PRKAR1B: variants seen among roughly 807,000 people sequenced by gnomAD.
PRKAR1B encodes the protein cAMP-dependent protein kinase type I-beta regulatory subunit.
A neutral mutation model predicts 46.5 loss-of-function variants in PRKAR1B; 22 were observed. The ratio of observed to expected loss-of-function variants is 0.47; its 90% confidence interval spans 0.34 to 0.68. PRKAR1B has a LOEUF of 0.68. Among genes scored for constraint, PRKAR1B ranks in the 30% least tolerant of loss-of-function variants. PRKAR1B has a pLI of 0.01. For missense variants in PRKAR1B, 445 were observed against 535.6 expected (o/e 0.83, Z 1.67); for synonymous variants, 259 against 217.7 (o/e 1.19, Z -1.67).
intron 8 of PRKAR1B, among the ~76,000 whole-genome samples, chr7:580,670 G>C (rs1251487347): frequency 7.1e-6 from 1 of 140,184 alleles, no homozygotes; most frequent in Non-Finnish European, 1.5e-5. Context: ...CTAACCCTTG[G>C]AAGGAAAAAA....
At chr7:637,868 T>C (rs1784204560) in intron 4 of PRKAR1B, among the ~76,000 whole-genome samples, 2 of 152,058 alleles carry the variant, frequency 1.3e-5, no homozygotes, top group Non-Finnish European at 2.9e-5. Flanking sequence ...ACAGGGAAGA[T>C]GGGGGCTAAA....
At chr7:619,811 TCTTTC>T (rs1191178558) in intron 4 of PRKAR1B, among the ~76,000 whole-genome samples, 1 of 152,150 alleles carries the variant, frequency 6.6e-6, no homozygotes, top group Non-Finnish European at 1.5e-5. Flanking sequence ...AAATTTTTAT[TCTTTC>T]CTTTCCTTTT....
intron 2 of PRKAR1B, among the ~76,000 whole-genome samples, chr7:688,207 C>G (rs1389664752): frequency 6.6e-6 from 1 of 151,710 alleles, no homozygotes; most frequent in African/African-American, 2.4e-5. Flanking sequence ...TCGAGACCAA[C>G]CTGGTTAACA....
intron 4 of PRKAR1B, among the ~76,000 whole-genome samples, chr7:631,530 A>G (rs945027628): frequency 6.6e-6 from 1 of 152,142 alleles, no homozygotes; most frequent in South Asian, 2.1e-4. Flanking sequence ...CCCAGCACAC[A>G]CAGCCCGAGG....
At chr7:641,372 G>A (rs968577875) in intron 4 of PRKAR1B, among the ~76,000 whole-genome samples, 3 of 152,172 alleles carry the variant, frequency 2.0e-5, no homozygotes, top group Admixed American at 2.0e-4. Context: ...ACGCCGTATT[G>A]TTCATAATAG....
chr7:561,139 A>ACACACACACACCTGTG lies in PRKAR1B; in HGVS notation c.892-9685_892-9670dup, dbSNP rs1425277105. ...CCCACACACAGGCACACAAACACAC[A>ACACACACACACCTGTG]CACACACACACCTGTGCACACACAC... On this transcript the variant is annotated intron_variant, in intron 9 of 10. Transcript: ENST00000537384. 2.7e-5 allele frequency among the ~76,000 whole-genome samples: 4 copies of ACACACACACACCTGTG among 146,914 alleles called. No homozygotes were observed. In the East Asian group the frequency reaches 7.9e-4, roughly 29 times the overall value.
chr7:644,558 G>C lies in PRKAR1B; in HGVS notation c.440+32671C>G, dbSNP rs1784537153. On this transcript the variant is annotated intron_variant, in intron 4 of 10. Coordinates refer to ENST00000537384, the MANE Select transcript of PRKAR1B (RefSeq NM_001164760.2). This position sits in a 1 kb window ranked among gnomAD's most constrained non-coding sequence, Gnocchi z 4.9. ...TCCCCGCTGCCAGGGAGCCCTCCCAGCACTGAGGGGGCACCAGTCTGGCCA... is the reference window on the plus strand; with the variant it reads ...TCCCCGCTGCCAGGGAGCCCTCCCACCACTGAGGGGGCACCAGTCTGGCCA... 2.0e-5 allele frequency among the ~76,000 whole-genome samples: 3 copies of C among 152,168 alleles called. No homozygotes were observed. Among genetic ancestry groups the C allele is most frequent in the Admixed American group, 2.0e-4 (3 of 15,274 alleles).
chr7:643,872 G>A (rs1431446270), intron 4 of PRKAR1B, among the ~76,000 whole-genome samples: 2 of 152,158 alleles, frequency 1.3e-5, no homozygotes. Flanking sequence ...AGGGTGCCCA[G>A]TGGCACCTCC....
intron 1 of PRKAR1B, among the ~76,000 whole-genome samples, chr7:723,370 G>A (rs912839386): frequency 6.6e-6 from 1 of 152,174 alleles, no homozygotes; most frequent in African/African-American, 2.4e-5. Context: ...CCTGTTGGCT[G>A]TTCTGGGCCA....
intron 9 of PRKAR1B, among the ~76,000 whole-genome samples, chr7:576,253 T>C (rs1779826994): frequency 1.3e-5 from 2 of 152,148 alleles, no homozygotes; most frequent in African/African-American, 4.8e-5. Context: ...GTGTGCACGC[T>C]GGAATCACGG....
chr7:710,863 C>T (rs1010188870), intron 2 of PRKAR1B, among the ~76,000 whole-genome samples: 2 of 152,050 alleles, frequency 1.3e-5, no homozygotes, highest in Admixed American at 6.6e-5. Flanking sequence ...AGGCTGGTCT[C>T]GAACTCCTGA....
At chr7:579,899 C>T (rs568003270) in intron 8 of PRKAR1B, among the ~76,000 whole-genome samples, 157 of 152,170 alleles carry the variant, frequency 1.0e-3, no homozygotes, top group African/African-American at 3.6e-3. Context: ...GAGTTCAAGA[C>T]CAGCCAGGCC....
intron 2 of PRKAR1B, among the ~76,000 whole-genome samples, chr7:704,664 G>A (rs1031229438): frequency 6.6e-6 from 1 of 152,176 alleles, no homozygotes; most frequent in African/African-American, 2.4e-5. Flanking sequence ...AGCTACTCGG[G>A]AGGCTGAGGC....
chr7:683,156 G>A (rs1778794353), intron 2 of PRKAR1B, among the ~76,000 whole-genome samples: 1 of 152,184 alleles, frequency 6.6e-6, no homozygotes, highest in Non-Finnish European at 1.5e-5. Context: ...GCCCACCTGT[G>A]ACAAGGCTGA....
In PRKAR1B at chr7:666,449, AG is replaced by A. The variant is rs561047481; in HGVS notation, c.440+10779del. 3.0e-3 allele frequency among the ~76,000 whole-genome samples: 460 copies of A among 152,230 alleles called. 4 individuals carry two copies. The highest frequency in any genetic ancestry group is 0.011 in the African/African-American group (447 of 41,558). ...GATGCGGAATCTGCTTCGCTCCAAT[AG>A]CTGACACAAGGTGAGAAGGCTGCAC... On this transcript the variant is annotated intron_variant, in intron 4 of 10. Transcript: ENST00000537384. This position sits in a 1 kb window ranked among gnomAD's most constrained non-coding sequence, Gnocchi z 4.9.
chr7:673,377 C>G (rs999756566), intron 4 of PRKAR1B, among the ~76,000 whole-genome samples: 1 of 152,038 alleles, frequency 6.6e-6, no homozygotes, highest in Non-Finnish European at 1.5e-5. Flanking sequence ...CAGCCGGGCG[C>G]GGTGGCTCAC....
chr7:571,050 C>T (rs1177996861), intron 9 of PRKAR1B, among the ~76,000 whole-genome samples: 4 of 152,244 alleles, frequency 2.6e-5, no homozygotes, highest in South Asian at 2.1e-4. Context: ...GCCTGGGAAA[C>T]ATGTATGGCT....
intron 1 of PRKAR1B, chr7:726,610 G>C: frequency 1.2e-6 from 1 of 845,122 alleles, no homozygotes; most frequent in South Asian, 6.0e-5. Context: ...GCACCGGCGG[G>C]GAGGAAGTAG....
intron 9 of PRKAR1B, among the ~76,000 whole-genome samples, chr7:554,574 C>T (rs191406984): frequency 5.3e-4 from 81 of 152,240 alleles, no homozygotes; most frequent in Admixed American, 1.0e-3. Context: ...ATAAAGGCCA[C>T]GGATCCCACA....
Sources: gnomAD v4.1 joint callset for allele counts (sites outside exome capture counted in the v4.1 genomes callset) on GRCh38, gnomAD v4.1.1 for gene constraint, Gnocchi (gnomAD v3.1) non-coding constraint, MANE v1.5 for transcripts, NCBI Gene and HGNC (gene_info 2026-07-23, HGNC 2026-07-21) for gene names.